Variants in LTBP1 observed in about 807,000 individuals in gnomAD.
LTBP1 encodes latent-transforming growth factor beta-binding protein 1.
LTBP1 carries 129 observed loss-of-function variants against 207.6 expected under a neutral mutation model. The ratio of observed to expected loss-of-function variants is 0.62; its 90% CI spans 0.54 to 0.72. The LOEUF (loss-of-function observed/expected upper bound fraction) is 0.72. Among genes scored for constraint, LTBP1 ranks in the 30% least tolerant of loss-of-function variants. The pLI, the probability that LTBP1 is intolerant of heterozygous loss-of-function variation, is 0.00. For synonymous variants in LTBP1, 963 were observed against 833.7 expected (o/e 1.16, Z -2.67); for missense variants, 2,281 against 2,217.2 (o/e 1.03, Z -0.58).
intron 16 of LTBP1, among the ~76,000 whole-genome samples, chr2:33,274,708 G>C (rs1005350211): frequency 3.3e-5 from 5 of 152,162 alleles, no homozygotes; most frequent in African/African-American, 1.2e-4. Flanking sequence ...GTGTTGACCT[G>C]AAATCTGCCT....
chr2:33,026,732 A>T (rs1300342410), intron 3 of LTBP1, among the ~76,000 whole-genome samples: 2 of 152,232 alleles, frequency 1.3e-5, no homozygotes, highest in African/African-American at 4.8e-5. Context: ...AGAACTAAAA[A>T]TTTGAACCAA....
At chr2:33,197,370 G>A (rs1371611747) in intron 7 of LTBP1, among the ~76,000 whole-genome samples, 1 of 152,224 alleles carries the variant, frequency 6.6e-6, no homozygotes, top group Non-Finnish European at 1.5e-5. Context: ...CTCACTGACT[G>A]TTAGAATGAC....
intron 24 of LTBP1, among the ~76,000 whole-genome samples, chr2:33,336,969 A>G (rs1050369074): frequency 6.6e-6 from 1 of 152,210 alleles, no homozygotes; most frequent in African/African-American, 2.4e-5. Flanking sequence ...TAATGGAACC[A>G]TTGAGATTTG....
intron 10 of LTBP1, among the ~76,000 whole-genome samples, chr2:33,246,188 T>G (rs1438566615): frequency 2.0e-5 from 3 of 152,238 alleles, no homozygotes; most frequent in Non-Finnish European, 2.9e-5. Context: ...AGTGAAAACC[T>G]GGGCTCTTTA....
At chr2:33,003,031 C>T (rs1686267678) in intron 2 of LTBP1, among the ~76,000 whole-genome samples, 2 of 152,114 alleles carry the variant, frequency 1.3e-5, no homozygotes, top group African/African-American at 2.4e-5. Context: ...CCTTACAATA[C>T]GTAGAATAAT....
chr2:33,053,110 A>T (rs1353732748), intron 3 of LTBP1, among the ~76,000 whole-genome samples: 1 of 152,170 alleles, frequency 6.6e-6, no homozygotes, highest in East Asian at 1.9e-4. Context: ...ACCTCAAGTG[A>T]TCTGCCTGCC....
chr2:33,330,772 T>A (rs2094483644), intron 24 of LTBP1, among the ~76,000 whole-genome samples: 1 of 151,168 alleles, frequency 6.6e-6, no homozygotes, highest in Non-Finnish European at 1.5e-5. Flanking sequence ...CTTTTTTTTT[T>A]TGCTTTGTTC....
chr2:33,368,091 C>T (rs1303770891), intron 31 of LTBP1, among the ~76,000 whole-genome samples: 1 of 152,060 alleles, frequency 6.6e-6, no homozygotes, highest in Non-Finnish European at 1.5e-5. Flanking sequence ...CCTGTAATCT[C>T]AGCTACTCAG....
At chr2:33,242,479 G>T (rs1465831818) in intron 9 of LTBP1, among the ~76,000 whole-genome samples, 2 of 151,904 alleles carry the variant, frequency 1.3e-5, no homozygotes, top group African/African-American at 2.4e-5. Flanking sequence ...ATTTCTACTT[G>T]GGTATCCCAA....
chr2:33,375,459 A>G (rs1467843512), intron 31 of LTBP1, among the ~76,000 whole-genome samples: 1 of 152,118 alleles, frequency 6.6e-6, no homozygotes, highest in Admixed American at 6.5e-5. Flanking sequence ...CCAGGCTCCT[A>G]CAGTGTAAGT....
chr2:33,073,599 A>G (rs774508648), intron 3 of LTBP1, among the ~76,000 whole-genome samples: 13 of 151,930 alleles, frequency 8.6e-5, no homozygotes, highest in Admixed American at 1.3e-4. Flanking sequence ...TCAGTCTCCA[A>G]AGTTGCTCTG....
chr2:33,181,461 T>A (rs1484555578), intron 5 of LTBP1, among the ~76,000 whole-genome samples: 1 of 152,234 alleles, frequency 6.6e-6, no homozygotes, highest in Non-Finnish European at 1.5e-5. Context: ...CAGCTTGTTG[T>A]TCTTCCAGCA....
At position 33,398,711 on chromosome 2, in the gene LTBP1, G is replaced by C. The variant is rs958667042; in HGVS notation, c.*166G>C. On this transcript the variant is annotated 3_prime_UTR_variant, in exon 34 of 34. Coordinates refer to ENST00000404816, the MANE Select transcript of LTBP1 (RefSeq NM_206943.4). ...CAATGAGAGGATTTAGGATGAGCCC[G>C]ATAGGTGTGGCAGACCAAATGGACA... The C allele has an allele frequency of 1.7e-6, 1 of 582,086 alleles. No homozygotes were observed. The highest frequency in any genetic ancestry group is 2.9e-6 in the Non-Finnish European group (1 of 349,348). 36.1% of individuals were successfully genotyped at this position (582,086 alleles called of 1,614,324 possible).
intron 3 of LTBP1, among the ~76,000 whole-genome samples, chr2:33,038,993 C>T (rs1280318299): frequency 6.6e-6 from 1 of 152,166 alleles, no homozygotes; most frequent in African/African-American, 2.4e-5. Context: ...CAGTTCCCGC[C>T]CTTTGTCTTT....
chr2:33,305,739 G>A (rs1383596550), intron 22 of LTBP1, among the ~76,000 whole-genome samples: 2 of 152,206 alleles, frequency 1.3e-5, no homozygotes, highest in Non-Finnish European at 2.9e-5. Context: ...ACATTTAGAA[G>A]TGAGGAAATG....
chr2:33,188,894 T>C, intron 7 of LTBP1, 43 bp downstream of exon 7: 3 of 1,565,170 alleles, frequency 1.9e-6, no homozygotes, highest in Non-Finnish European at 2.6e-6. Context: ...GTCTTACAGA[T>C]ATGGTATCAT....
Position 33,250,685 on chromosome 2 carries a change from G to A in LTBP1, c.2000-1992G>A, listed in dbSNP as rs145074697. On this transcript the variant is annotated intron_variant, in intron 10 of 33. Coordinates refer to ENST00000404816, the MANE Select transcript of LTBP1 (RefSeq NM_206943.4). ...ACATAGGGAGCTGCCTAGAGACCTCGTGATGGAATTGCTGCCGAGAGGGAG... is the reference window on the plus strand; with the variant it reads ...ACATAGGGAGCTGCCTAGAGACCTCATGATGGAATTGCTGCCGAGAGGGAG... Among the ~76,000 whole-genome samples, 318 of 152,286 alleles carry A rather than the reference G, an allele frequency of 2.1e-3. 1 individual carries two copies. Among genetic ancestry groups the A allele is most frequent in the African/African-American group, 4.2e-3 (174 of 41,556 alleles).
intron 5 of LTBP1, among the ~76,000 whole-genome samples, chr2:33,177,993 C>A (rs1245823586): frequency 1.3e-5 from 2 of 152,174 alleles, no homozygotes; most frequent in African/African-American, 4.8e-5. Flanking sequence ...GCAAGTGTTT[C>A]TGATGATCCC....
chr2:33,093,196 C>G (rs1186367673), intron 3 of LTBP1, among the ~76,000 whole-genome samples: 2 of 152,290 alleles, frequency 1.3e-5, no homozygotes, highest in Middle Eastern at 3.4e-3. Context: ...TTGAATGAAG[C>G]TTTTGTTTCA....
Sources: allele counts gnomAD v4.1 joint callset (sites outside exome capture counted in the v4.1 genomes callset), GRCh38; gene constraint gnomAD v4.1.1; transcripts MANE v1.5; gene names NCBI Gene and HGNC (gene_info 2026-07-23, HGNC 2026-07-21).